FRAS1: variants seen among roughly 807,000 people sequenced by gnomAD.
The protein encoded by FRAS1 is Fraser extracellular matrix complex subunit 1.
A neutral mutation model predicts 435.2 loss-of-function variants in FRAS1; 290 were observed. That is an observed-to-expected ratio of 0.67 (90% CI 0.61 to 0.73). The LOEUF (loss-of-function observed/expected upper bound fraction) is 0.73, where lower values mean the gene tolerates loss of function less well. Among genes scored for constraint, FRAS1 ranks in the 30% least tolerant of loss-of-function variants. The pLI is 0.00. For missense variants in FRAS1, 4,860 were observed against 5,001.5 expected (o/e 0.97, Z 0.85); for synonymous variants, 1,800 against 1,851.0 (o/e 0.97, Z 0.71).
intron 2 of FRAS1, among the ~76,000 whole-genome samples, chr4:78,199,892 T>C (rs765649482): frequency 2.0e-5 from 3 of 152,234 alleles, no homozygotes; most frequent in Non-Finnish European, 4.4e-5. Flanking sequence ...AAGTTAGCCC[T>C]AATGATGATG....
At chr4:78,449,343 T>C (rs569372599) in intron 44 of FRAS1, among the ~76,000 whole-genome samples, 207 of 152,290 alleles carry the variant, frequency 1.4e-3, no homozygotes, top group Non-Finnish European at 2.4e-3. Flanking sequence ...GCAAGTCTTA[T>C]TTTTGTCTGA....
At chr4:78,275,594 G>T (rs1447073724) in intron 9 of FRAS1, among the ~76,000 whole-genome samples, 2 of 152,176 alleles carry the variant, frequency 1.3e-5, no homozygotes, top group Non-Finnish European at 2.9e-5. Flanking sequence ...GGCTGGATAT[G>T]AAATTCTGGG....
intron 60 of FRAS1, among the ~76,000 whole-genome samples, chr4:78,497,411 C>A (rs562566906): frequency 3.9e-5 from 6 of 152,044 alleles, no homozygotes. Flanking sequence ...AAAACTTAAG[C>A]TCTATAGTCA....
Position 78,541,237 on chromosome 4 carries a change from C to T in FRAS1, c.*113C>T. ...AAGGGAAAACTATAGCTTTGAGTGG[C>T]AGACAGCACACATCACATGCATCAA... On this transcript the variant is annotated 3_prime_UTR_variant, in exon 74 of 74. Transcript: ENST00000512123. 1 of 593,420 alleles carries T rather than the reference C, an allele frequency of 1.7e-6. No homozygotes were observed. The highest frequency in any genetic ancestry group is 2.6e-6 in the Non-Finnish European group (1 of 382,750). 36.8% of individuals were successfully genotyped at this position (593,420 alleles called of 1,614,324 possible).
At chr4:78,112,040 T>G (rs1742750899) in intron 2 of FRAS1, among the ~76,000 whole-genome samples, 1 of 152,176 alleles carries the variant, frequency 6.6e-6, no homozygotes, top group African/African-American at 2.4e-5. Flanking sequence ...GCCAGTTTTG[T>G]ACTGTATTGA....
At chr4:78,221,951 T>C (rs1378441980) in intron 2 of FRAS1, among the ~76,000 whole-genome samples, 1 of 152,182 alleles carries the variant, frequency 6.6e-6, no homozygotes, top group African/African-American at 2.4e-5. Context: ...TCAACCGTAC[T>C]GGAAGTCTCA....
intron 14 of FRAS1, among the ~76,000 whole-genome samples, chr4:78,292,945 G>T (rs1274481886): frequency 6.6e-6 from 1 of 152,132 alleles, no homozygotes; most frequent in Non-Finnish European, 1.5e-5. Flanking sequence ...TTACTAAATT[G>T]CTGACTGTCT....
intron 14 of FRAS1, among the ~76,000 whole-genome samples, chr4:78,304,380 T>C (rs1278452659): frequency 1.3e-5 from 2 of 152,262 alleles, no homozygotes; most frequent in South Asian, 4.1e-4. Context: ...TAAAATGAGT[T>C]AGGGAGAATT....
intron 2 of FRAS1, among the ~76,000 whole-genome samples, chr4:78,214,008 G>A (rs1723632473): frequency 1.3e-5 from 2 of 152,206 alleles, no homozygotes; most frequent in Admixed American, 1.3e-4. Context: ...GCACGGAGCT[G>A]GAACTCGGGA....
intron 2 of FRAS1, among the ~76,000 whole-genome samples, chr4:78,112,497 G>C (rs1287497240): frequency 6.6e-6 from 1 of 151,820 alleles, no homozygotes; most frequent in African/African-American, 2.4e-5. Context: ...CTTGTGAATG[G>C]GCTTTAAAAC....
At chr4:78,424,976 A>G (rs1733941466) in intron 35 of FRAS1, among the ~76,000 whole-genome samples, 1 of 151,926 alleles carries the variant, frequency 6.6e-6, no homozygotes, top group Non-Finnish European at 1.5e-5. Context: ...AACATGTCCT[A>G]ATATCCATTA....
rs1578383644 is a variant in FRAS1, at chr4:78,543,695, T to C, written c.*2571T>C. The stretch of plus-strand genomic sequence containing the variant: ...GATGTGGAGATGAGATATACCCCTT[T>C]GATGTAGAATTATTCATTTGGTTTG... On this transcript the variant is annotated 3_prime_UTR_variant, in exon 74 of 74. Transcript: ENST00000512123. The C allele has an allele frequency of 6.6e-6, 1 of 152,360 alleles. No homozygotes were observed. Among genetic ancestry groups the C allele is most frequent in the Admixed American group, 6.5e-5 (1 of 15,302 alleles). The allele number at this position is 152,360 out of a possible 1,614,324, so 9.4% of individuals were successfully genotyped here.
At chr4:78,413,507 T>C (rs1484876077) in intron 32 of FRAS1, among the ~76,000 whole-genome samples, 4 of 152,190 alleles carry the variant, frequency 2.6e-5, no homozygotes, top group Non-Finnish European at 5.9e-5. Flanking sequence ...AAAAGTTTCC[T>C]AGAGAAGGTT....
intron 42 of FRAS1, chr4:78,446,122 C>G: frequency 9.6e-7 from 1 of 1,038,788 alleles, no homozygotes; most frequent in East Asian, 8.0e-5. Context: ...TTCCTTGATG[C>G]TGTATTTATT....
chr4:78,356,641 T>C (rs1430352821), intron 20 of FRAS1, among the ~76,000 whole-genome samples: 1 of 152,264 alleles, frequency 6.6e-6, no homozygotes, highest in African/African-American at 2.4e-5. Flanking sequence ...AAGGGGCTTC[T>C]GCAGATGCAA....
In FRAS1 at chr4:78,519,364, C is replaced by T. The variant is rs1578370903; in HGVS notation, c.10423C>T (p.His3475Tyr). Reference sequence around the variant, plus strand: ...CTCTGCCCAGTCCTTCTTGACAGTGCACGTGCCTCTATATGTGTCCTACAT... The same window carrying T: ...CTCTGCCCAGTCCTTCTTGACAGTGTACGTGCCTCTATATGTGTCCTACAT... ...RDSAQSFLTV[H>Y]VPLYVSYIYV... Residue 3475 changes from histidine (H) to tyrosine (Y), a missense_variant, in exon 67 of 74, where the codon CAC becomes TAC. Transcript: ENST00000512123. 6.3e-7 allele frequency: 1 copy of T among 1,596,140 alleles called. No homozygotes were observed.
chr4:78,174,876 C>T (rs1337401779), intron 2 of FRAS1, among the ~76,000 whole-genome samples: 1 of 152,216 alleles, frequency 6.6e-6, no homozygotes, highest in Non-Finnish European at 1.5e-5. Context: ...GGAAACAAAA[C>T]ATAAACCCTA....
chr4:78,406,557 G>A (rs921180759), intron 30 of FRAS1, among the ~76,000 whole-genome samples: 12 of 152,228 alleles, frequency 7.9e-5, no homozygotes, highest in East Asian at 1.9e-4. Context: ...GGGAAAGACC[G>A]GCCCCTATGA....
intron 2 of FRAS1, among the ~76,000 whole-genome samples, chr4:78,142,821 CA>C (rs1239754718): frequency 1.3e-5 from 2 of 151,864 alleles, no homozygotes; most frequent in Non-Finnish European, 2.9e-5. Flanking sequence ...TTATATTAGT[CA>C]AAGATGCATG....
Sources: gnomAD v4.1 joint callset for allele counts (sites outside exome capture counted in the v4.1 genomes callset) on GRCh38, gnomAD v4.1.1 for gene constraint, MANE v1.5 for transcripts, NCBI Gene and HGNC (gene_info 2026-07-23, HGNC 2026-07-21) for gene names.